Variants in APOLD1 observed in about 807,000 individuals in gnomAD.
The protein encoded by APOLD1 is apolipoprotein L domain-containing protein 1.
APOLD1 carries 22 observed loss-of-function variants against 15.3 expected under a neutral mutation model. The observed-to-expected ratio is 1.44, with a 90% CI of 1.03 to 2.05. The LOEUF (loss-of-function observed/expected upper bound fraction) is 2.05. APOLD1 is among the 30% of genes most tolerant of loss of function. The pLI is 0.00. For missense variants in APOLD1, 394 were observed against 353.5 expected, an observed-to-expected ratio of 1.11 and a Z score of -0.92; for synonymous variants, 190 against 167.4, an observed-to-expected ratio of 1.13 and a Z score of -1.04.
chr12:12,758,836 T>C (rs1249815241), intron 1 of APOLD1, among the ~76,000 whole-genome samples: 5 of 152,240 alleles, frequency 3.3e-5, no homozygotes, highest in South Asian at 2.1e-4. Context: ...TCTTTCCTTA[T>C]TGAGAACCTT....
rs1344915016 is a variant in APOLD1, at chr12:12,745,299, T to C, written c.96+19203T>C. Among the ~76,000 whole-genome samples the C allele has an allele frequency of 2.9e-3, 445 of 152,048 alleles. 1 individual carries two copies. The highest frequency in any genetic ancestry group is 0.01 in the African/African-American group (421 of 41,362). On this transcript the variant is annotated intron_variant, in intron 1 of 1. Coordinates refer to the APOLD1 transcript ENST00000326765. ...GCACACGCCTGTAATCCCAGTACTT[T>C]GGGAAGTTGAGGCGGGTGGATCACC...
intron 1 of APOLD1, among the ~76,000 whole-genome samples, chr12:12,773,287 A>G (rs1947002354): frequency 6.6e-6 from 1 of 152,208 alleles, no homozygotes; most frequent in Non-Finnish European, 1.5e-5. Context: ...GTGGCCAGTT[A>G]TGGTGTCTCA....
chr12:12,769,195 T>TA (rs549967631), intron 1 of APOLD1, among the ~76,000 whole-genome samples: 184 of 125,116 alleles, frequency 1.5e-3, no homozygotes, highest in Non-Finnish European at 2.3e-3. Flanking sequence ...ACCACTGCAC[T>TA]ACAGCCTGGG....
intron 1 of APOLD1, among the ~76,000 whole-genome samples, chr12:12,778,498 T>C (rs1290380732): frequency 5.6e-5 from 2 of 35,586 alleles, no homozygotes; most frequent in Non-Finnish European, 1.4e-4. Context: ...TTTTAATTTC[T>C]TTTTTTTTTT....
chr12:12,780,249 CT>C (rs11288514), intron 1 of APOLD1, among the ~76,000 whole-genome samples: 77,816 of 145,310 alleles, frequency 0.54, 20,514 homozygotes, highest in East Asian at 0.67. Flanking sequence ...TTTTAATTTG[CT>C]TTTTTTTTTT....
chr12:12,777,992 C>T (rs542753245), intron 1 of APOLD1, among the ~76,000 whole-genome samples: 13 of 147,182 alleles, frequency 8.8e-5, no homozygotes, highest in African/African-American at 3.1e-4. Context: ...GGTGCAGTCT[C>T]GGCTCACTGC....
At position 12,787,567 on chromosome 12, in the gene APOLD1, A is replaced by G. The variant is rs1048491419; in HGVS notation, c.662A>G (p.Glu221Gly). The G allele has an allele frequency of 9.3e-6, 15 of 1,613,174 alleles. No individual in the cohort carries two copies. The African/African-American group carries it at 1.6e-4, about 17-fold the overall frequency. ...GALDELSEQL[E>G]SRVQLCTKSS... ...CTGGACGAACTCAGCGAGCAGCTGG[A>G]GTCTCGGGTTCAGCTCTGCACCAAG... Residue 221 changes from glutamate (E) to glycine (G), a missense_variant, in exon 2 of 2, where the codon GAG becomes GGG. Transcript: ENST00000356591. The surrounding 1 kb of genome is among the most constrained non-coding windows in gnomAD (Gnocchi z 4.9).
intron 1 of APOLD1, among the ~76,000 whole-genome samples, chr12:12,766,782 G>A (rs1320350905): frequency 6.6e-6 from 1 of 152,140 alleles, no homozygotes; most frequent in Non-Finnish European, 1.5e-5. Context: ...CCGGGAGGTG[G>A]AGGTTGCAGT....
At chr12:12,776,947 TA>T (rs1335903724) in intron 1 of APOLD1, among the ~76,000 whole-genome samples, 1 of 152,112 alleles carries the variant, frequency 6.6e-6, no homozygotes, top group African/African-American at 2.4e-5. Flanking sequence ...ATTTTTTAAA[TA>T]AAAAATGATC....
chr12:12,763,528 A>G (rs200396003), intron 1 of APOLD1, among the ~76,000 whole-genome samples: 6 of 151,860 alleles, frequency 4.0e-5, no homozygotes, highest in Non-Finnish European at 7.4e-5. Context: ...GGGGGGGAAA[A>G]CAATACAACA....
chr12:12,747,864 T>A (rs1193800479), intron 1 of APOLD1, among the ~76,000 whole-genome samples: 1 of 152,212 alleles, frequency 6.6e-6, no homozygotes, highest in Admixed American at 6.5e-5. Context: ...GCCTTGGCGC[T>A]GGGTCTTGTT....
rs202099965 is a variant in APOLD1 at position 12,736,370 on chromosome 12, CA to C, written c.96+10281del. ...CTGTCTCAAAAAAAACAAAACAAAA[CA>C]AAAAAACTAGCTGGGCATGGTGGTG... On this transcript the variant is annotated intron_variant, in intron 1 of 1. Transcript: ENST00000326765. Among the ~76,000 whole-genome samples, 190 of 68,366 alleles carry C rather than the reference CA, an allele frequency of 2.8e-3. 3 individuals are homozygous for C. The highest frequency in any genetic ancestry group is 8.0e-3 in the African/African-American group (172 of 21,386). The allele number at this position is 68,366 out of a possible 152,430, so 44.9% of individuals were successfully genotyped here.
chr12:12,785,149 G>A (rs553711993), upstream of APOLD1, among the ~76,000 whole-genome samples: 4 of 152,118 alleles, frequency 2.6e-5, no homozygotes, highest in Non-Finnish European at 4.4e-5. Flanking sequence ...CAGGGTACCC[G>A]CTGCATGCCA....
chr12:12,751,217 G>T (rs1946810145), intron 1 of APOLD1, among the ~76,000 whole-genome samples: 1 of 152,184 alleles, frequency 6.6e-6, no homozygotes, highest in Admixed American at 6.5e-5. Flanking sequence ...CGTCATGAAG[G>T]TGGGGCAAGG....
chr12:12,759,994 C>T (rs921319783), intron 1 of APOLD1, among the ~76,000 whole-genome samples: 1 of 152,124 alleles, frequency 6.6e-6, no homozygotes, highest in African/African-American at 2.4e-5. Context: ...AACTATACAA[C>T]ACCATGAAAA....
rs552047964 is a variant in APOLD1 at position 12,736,178 on chromosome 12, C to T, written c.96+10082C>T. Reference sequence around the variant, plus strand: ...TGGCCTGGCCAGCCTGGTGAAACCCCGTCTCTACTAAAAATACAAAAAATT... The same window carrying T: ...TGGCCTGGCCAGCCTGGTGAAACCCTGTCTCTACTAAAAATACAAAAAATT... On this transcript the variant is annotated intron_variant, in intron 1 of 1. Coordinates refer to the APOLD1 transcript ENST00000326765. Among the ~76,000 whole-genome samples, 23 of 152,002 alleles carry T rather than the reference C, an allele frequency of 1.5e-4. No individual in the cohort carries two copies. The South Asian group carries it at 1.9e-3, about 12-fold the overall frequency.
chr12:12,760,169 T>C (rs1015900778), intron 1 of APOLD1, among the ~76,000 whole-genome samples: 4 of 152,004 alleles, frequency 2.6e-5, no homozygotes, highest in African/African-American at 9.7e-5. Flanking sequence ...AAACCCCCTC[T>C]TTACAAATGA....
intron 1 of APOLD1, among the ~76,000 whole-genome samples, chr12:12,769,393 C>G (rs1334455245): frequency 1.3e-5 from 2 of 152,138 alleles, no homozygotes; most frequent in Non-Finnish European, 2.9e-5. Context: ...AACTTAATTA[C>G]TGGAGCAGAA....
intron 1 of APOLD1, among the ~76,000 whole-genome samples, chr12:12,737,093 A>C (rs1209715843): frequency 6.6e-6 from 1 of 152,378 alleles, no homozygotes; most frequent in East Asian, 1.9e-4. Context: ...CAAGTAGCTC[A>C]GCATTTTTGT....
Sources: gnomAD v4.1 joint callset for allele counts (sites outside exome capture counted in the v4.1 genomes callset) on GRCh38, gnomAD v4.1.1 for gene constraint, Gnocchi (gnomAD v3.1) non-coding constraint, MANE v1.5 for transcripts, NCBI Gene and HGNC (gene_info 2026-07-23, HGNC 2026-07-21) for gene names.